Variants in PARD3 observed in about 807,000 individuals in gnomAD.
PARD3 encodes partitioning defective 3 homolog.
Under a neutral mutation model 155.4 loss-of-function variants are expected in PARD3, and 75 were observed. The observed-to-expected ratio is 0.48, with a 90% CI of 0.40 to 0.58. PARD3 has a LOEUF of 0.58. Among genes scored for constraint, PARD3 ranks in the 20% least tolerant of loss-of-function variants. The pLI, the probability that PARD3 is intolerant of heterozygous loss-of-function variation, is 0.00. For synonymous variants in PARD3, 576 were observed against 610.5 expected (o/e 0.94, Z 0.83); for missense variants, 1,642 against 1,721.7 (o/e 0.95, Z 0.82).
intron 1 of PARD3, among the ~76,000 whole-genome samples, chr10:34,713,432 T>C (rs2094474824): frequency 6.6e-6 from 1 of 151,910 alleles, no homozygotes; most frequent in Non-Finnish European, 1.5e-5. Flanking sequence ...TTCCATTCCA[T>C]ACTCCAGGCA....
intron 1 of PARD3, among the ~76,000 whole-genome samples, chr10:34,814,562 C>G (rs1300018548): frequency 2.6e-5 from 4 of 151,966 alleles, no homozygotes. Flanking sequence ...CTGCAGACTC[C>G]GGGGAGGCGC....
intron 22 of PARD3, among the ~76,000 whole-genome samples, chr10:34,168,600 A>G (rs987999802): frequency 6.6e-6 from 1 of 152,050 alleles, no homozygotes; most frequent in Non-Finnish European, 1.5e-5. Flanking sequence ...GAGGAGCTGC[A>G]CTCTGATATG....
At chr10:34,667,379 A>G (rs774608373) in intron 2 of PARD3, among the ~76,000 whole-genome samples, 4 of 152,224 alleles carry the variant, frequency 2.6e-5, no homozygotes, top group Non-Finnish European at 5.9e-5. Context: ...AGGTTTCACA[A>G]AGCACATCTG....
rs531655636 is a variant in PARD3, at chr10:34,462,437, A to G, written c.582+7648T>C. ...TCCAACAGAACATAAAGGGAAAAAAATAAAATAAACTTTTAAAAACGTAAT... is the reference window on the plus strand; with the variant it reads ...TCCAACAGAACATAAAGGGAAAAAAGTAAAATAAACTTTTAAAAACGTAAT... On this transcript the variant is annotated intron_variant, in intron 4 of 24. Coordinates refer to ENST00000374788, the MANE Select transcript of PARD3 (RefSeq NM_001184785.2). Among the ~76,000 whole-genome samples the G allele has an allele frequency of 2.0e-5, 3 of 152,378 alleles. No individual in the cohort carries two copies. In the South Asian group the frequency reaches 6.2e-4, roughly 32 times the overall value.
intron 1 of PARD3, among the ~76,000 whole-genome samples, chr10:34,755,851 A>G (rs1435088694): frequency 6.6e-6 from 1 of 152,172 alleles, no homozygotes. Context: ...CAAGACAGGC[A>G]TTAATGTTAA....
intron 5 of PARD3, among the ~76,000 whole-genome samples, chr10:34,447,031 T>C (rs1292027427): frequency 6.6e-6 from 1 of 152,166 alleles, no homozygotes; most frequent in Non-Finnish European, 1.5e-5. Context: ...TTTCTATCCA[T>C]ATAAACTTTT....
At chr10:34,168,937 G>A (rs1291783841) in intron 22 of PARD3, among the ~76,000 whole-genome samples, 1 of 152,148 alleles carries the variant, frequency 6.6e-6, no homozygotes, top group African/African-American at 2.4e-5. Context: ...TTGCACCAAC[G>A]CTACCTAGAA....
rs941187670 is a variant in PARD3, at chr10:34,337,431, A to G, written c.2409-5T>C. 5.2e-6 allele frequency: 8 copies of G among 1,539,598 alleles called. No individual in the cohort carries two copies. Among genetic ancestry groups the G allele is most frequent in the Non-Finnish European group, 7.0e-6 (8 of 1,149,564 alleles). ...TCAACATCTGGACTCAAAGAGCTGG[A>G]GTGAAGAAAAAATAAAAATAAAAAT... On this transcript the variant is annotated splice_polypyrimidine_tract_variant and splice_region_variant and intron_variant, in intron 16 of 24. Transcript: ENST00000374788.
At chr10:34,150,605 CA>C (rs1390644426) in intron 22 of PARD3, among the ~76,000 whole-genome samples, 1 of 152,060 alleles carries the variant, frequency 6.6e-6, no homozygotes, top group Non-Finnish European at 1.5e-5. Context: ...GACTCTGCCG[CA>C]AAAGATTCAT....
intron 1 of PARD3, among the ~76,000 whole-genome samples, chr10:34,769,466 A>G (rs1838554282): frequency 6.6e-6 from 1 of 151,680 alleles, no homozygotes; most frequent in Non-Finnish European, 1.5e-5. Context: ...GAAAATCATT[A>G]CTGTAATTTT....
intron 1 of PARD3, among the ~76,000 whole-genome samples, chr10:34,709,659 G>T (rs1459911201): frequency 2.6e-5 from 4 of 152,138 alleles, no homozygotes. Context: ...GCGGAAGTGG[G>T]AGCCATGGAG....
intron 19 of PARD3, among the ~76,000 whole-genome samples, chr10:34,325,173 C>T (rs1409869218): frequency 6.6e-6 from 1 of 152,080 alleles, no homozygotes; most frequent in Non-Finnish European, 1.5e-5. Flanking sequence ...CCACGCCTGG[C>T]TAATCTTTGT....
intron 2 of PARD3, among the ~76,000 whole-genome samples, chr10:34,685,903 T>C (rs2985303): frequency 6.6e-6 from 1 of 151,882 alleles, no homozygotes; most frequent in Admixed American, 6.6e-5. Flanking sequence ...CTTTCTGCAA[T>C]CATTTTAAAA....
intron 16 of PARD3, among the ~76,000 whole-genome samples, chr10:34,341,085 T>C (rs1427354220): frequency 2.6e-5 from 4 of 152,026 alleles, no homozygotes; most frequent in East Asian, 1.9e-4. Context: ...TTCTTCTATT[T>C]TGAAAGACAC....
At chr10:34,543,357 T>C (rs1293672930) in intron 2 of PARD3, among the ~76,000 whole-genome samples, 1 of 151,978 alleles carries the variant, frequency 6.6e-6, no homozygotes, top group Non-Finnish European at 1.5e-5. Context: ...AATCCTAAAA[T>C]ATAAGCTAAT....
intron 22 of PARD3, among the ~76,000 whole-genome samples, chr10:34,268,491 C>A (rs371749960): frequency 6.9e-6 from 1 of 145,928 alleles, no homozygotes; most frequent in Non-Finnish European, 1.5e-5. Flanking sequence ...ATGTTTATTG[C>A]GGCACTATTC....
chr10:34,183,027 G>T (rs1950334335), intron 22 of PARD3, among the ~76,000 whole-genome samples: 1 of 152,232 alleles, frequency 6.6e-6, no homozygotes, highest in South Asian at 2.1e-4. Flanking sequence ...GTATCACTGA[G>T]CCACTAGACC....
At chr10:34,277,060 T>C (rs1054877850) in intron 21 of PARD3, among the ~76,000 whole-genome samples, 2 of 152,192 alleles carry the variant, frequency 1.3e-5, no homozygotes, top group Non-Finnish European at 2.9e-5. Context: ...GGAAACATTT[T>C]ACCCCCAACT....
intron 22 of PARD3, among the ~76,000 whole-genome samples, chr10:34,255,798 ATTTAT>A (rs1259847784): frequency 2.0e-5 from 3 of 152,240 alleles, no homozygotes; most frequent in Non-Finnish European, 4.4e-5. Flanking sequence ...CACAGAGGTG[ATTTAT>A]AATTATTTTA....
Sources: allele counts gnomAD v4.1 joint callset (sites outside exome capture counted in the v4.1 genomes callset), GRCh38; gene constraint gnomAD v4.1.1; transcripts MANE v1.5; gene names NCBI Gene and HGNC (gene_info 2026-07-23, HGNC 2026-07-21).